CACNA1E: variants seen among roughly 807,000 people sequenced by gnomAD.
The protein encoded by CACNA1E is voltage-dependent R-type calcium channel subunit alpha-1E.
Under a neutral mutation model 259.2 loss-of-function variants are expected in CACNA1E, and 40 were observed. The ratio of observed to expected loss-of-function variants is 0.15; its 90% CI spans 0.12 to 0.20. The LOEUF (loss-of-function observed/expected upper bound fraction) is 0.20. CACNA1E is among the 10% of genes least tolerant of loss of function. The pLI is 1.00. For synonymous variants in CACNA1E, 1,104 were observed against 1,138.5 expected, an observed-to-expected ratio of 0.97 and a Z score of 0.61; for missense variants, 1,874 against 3,040.1, an observed-to-expected ratio of 0.62 and a Z score of 9.02.
At chr1:181,782,971 A>G (rs992885452) in intron 39 of CACNA1E, among the ~76,000 whole-genome samples, 2 of 152,076 alleles carry the variant, frequency 1.3e-5, no homozygotes, top group Non-Finnish European at 2.9e-5. Flanking sequence ...TCTTTGGGTA[A>G]GGGGAACAAG....
chr1:181,728,454 A>T (rs1230621505), intron 18 of CACNA1E, among the ~76,000 whole-genome samples: 1 of 152,216 alleles, frequency 6.6e-6, no homozygotes, highest in East Asian at 1.9e-4. Flanking sequence ...TTGGTGCTGT[A>T]CATGTGCTGT....
chr1:181,326,426 G>A (rs1243673036), intron 1 of CACNA1E, among the ~76,000 whole-genome samples: 6 of 152,264 alleles, frequency 3.9e-5, no homozygotes, highest in East Asian at 1.9e-4. Flanking sequence ...AGAGGAGAGC[G>A]GAACAGCCCT....
chr1:181,406,826 T>G (rs1287421954), intron 1 of CACNA1E, among the ~76,000 whole-genome samples: 1 of 152,220 alleles, frequency 6.6e-6, no homozygotes, highest in Non-Finnish European at 1.5e-5. Context: ...CTTCTATTTT[T>G]TTGCCCCATA....
chr1:181,574,787 G>A (rs1650785603), intron 3 of CACNA1E, among the ~76,000 whole-genome samples: 1 of 152,166 alleles, frequency 6.6e-6, no homozygotes, highest in African/African-American at 2.4e-5. Context: ...AGCACTTTGG[G>A]AGGCCGAGGC....
At chr1:181,761,462 T>C (rs983027678) in intron 32 of CACNA1E, among the ~76,000 whole-genome samples, 6 of 152,214 alleles carry the variant, frequency 3.9e-5, no homozygotes, top group African/African-American at 1.4e-4. Flanking sequence ...AATTCAATGA[T>C]GCTAGTTGTG....
intron 2 of CACNA1E, among the ~76,000 whole-genome samples, chr1:181,475,623 G>A (rs927903618): frequency 6.6e-6 from 1 of 152,184 alleles, no homozygotes; most frequent in East Asian, 1.9e-4. Flanking sequence ...AGATAGTGTT[G>A]GAAAGATAGG....
intron 3 of CACNA1E, among the ~76,000 whole-genome samples, chr1:181,544,612 G>A (rs1184906606): frequency 2.6e-5 from 4 of 152,184 alleles, no homozygotes; most frequent in Non-Finnish European, 4.4e-5. Flanking sequence ...TGGTGGGTTG[G>A]TGCAAGCTGA....
chr1:181,654,875 G>T (rs906595452), intron 7 of CACNA1E, among the ~76,000 whole-genome samples: 1 of 151,422 alleles, frequency 6.6e-6, no homozygotes, highest in South Asian at 2.1e-4. Flanking sequence ...TCCCAGCTAC[G>T]CGAGAGGCTG....
intron 43 of CACNA1E, among the ~76,000 whole-genome samples, chr1:181,789,799 A>G (rs953421490): frequency 3.3e-5 from 5 of 152,140 alleles, no homozygotes; most frequent in African/African-American, 9.7e-5. Context: ...CCTCTAAACA[A>G]CTGGGCAGAC....
At chr1:181,441,607 G>A (rs1445352721) in intron 2 of CACNA1E, among the ~76,000 whole-genome samples, 1 of 152,136 alleles carries the variant, frequency 6.6e-6, no homozygotes, top group Admixed American at 6.5e-5. Context: ...GCAGACACTC[G>A]AATCACTGTG....
upstream of CACNA1E, among the ~76,000 whole-genome samples, chr1:181,481,338 A>T (rs994262025): frequency 2.9e-5 from 3 of 102,254 alleles, no homozygotes; most frequent in African/African-American, 8.1e-5. Flanking sequence ...ATTTTCCTAC[A>T]CACACACACA....
At chr1:181,537,208 T>C (rs1464324659) in intron 3 of CACNA1E, among the ~76,000 whole-genome samples, 2 of 150,104 alleles carry the variant, frequency 1.3e-5, no homozygotes, top group Non-Finnish European at 3.0e-5. Context: ...CAAGTGATTC[T>C]CCTGCCTCAG....
Position 181,755,978 on chromosome 1 carries a change from A to G in CACNA1E, c.4012A>G (p.Lys1338Glu). 6.2e-7 allele frequency: 1 copy of G among 1,613,842 alleles called. No individual in the cohort carries two copies. ...ECIGNYVDHE[K>E]NKMEVKGREW... is the part of the protein sequence containing the mutation. ...TAGAGGCAACTATGTAGATCATGAG[A>G]AAAACAAGATGGAGGTGAAGGGCCG... Residue 1338 changes from lysine (K) to glutamate (E), a missense_variant, in exon 29 of 48, where the codon AAA becomes GAA. Coordinates refer to ENST00000367573, the MANE Select transcript of CACNA1E (RefSeq NM_001205293.3).
intron 7 of CACNA1E, 74 bp downstream of exon 7, chr1:181,651,515 G>A: frequency 9.7e-7 from 1 of 1,029,078 alleles, no homozygotes; most frequent in Non-Finnish European, 1.5e-6. Context: ...CTGACTCATG[G>A]CAGATTCATT....
intron 15 of CACNA1E, 47 bp downstream of exon 15, chr1:181,720,902 G>T (rs187650141): frequency 4.3e-6 from 5 of 1,161,394 alleles, no homozygotes; most frequent in East Asian, 2.4e-5. Flanking sequence ...GGGTCCCTTG[G>T]ACTGCACACT....
chr1:181,655,002 A>T (rs1402290982), intron 7 of CACNA1E, among the ~76,000 whole-genome samples: 1 of 150,238 alleles, frequency 6.7e-6, no homozygotes, highest in Non-Finnish European at 1.5e-5. Context: ...AAAAAAAAAA[A>T]AGAAACATAA....
chr1:181,381,346 T>C (rs796394886), intron 1 of CACNA1E, among the ~76,000 whole-genome samples: 18 of 152,262 alleles, frequency 1.2e-4, no homozygotes, highest in African/African-American at 4.3e-4. Context: ...TGATATGAGC[T>C]ACAACATGGG....
rs183070413 is a variant in CACNA1E at position 181,332,256 on chromosome 1, C to T, written c.-15+14133C>T. Among the ~76,000 whole-genome samples the T allele has an allele frequency of 1.1e-3, 169 of 152,274 alleles. 1 individual carries two copies. The highest frequency in any genetic ancestry group is 3.4e-3 in the Middle Eastern group (1 of 294). On this transcript the variant is annotated intron_variant, in intron 1 of 11. Transcript: ENST00000524607. ...GAAGGGAGAGCATCAGGAAGAATAG[C>T]TAATGGATGTTGGGCTTAATACCTA...
intron 6 of CACNA1E, among the ~76,000 whole-genome samples, chr1:181,620,230 AG>A (rs1363342755): frequency 9.9e-5 from 15 of 152,090 alleles, no homozygotes; most frequent in Non-Finnish European, 1.6e-4. Context: ...TGGTGAGGGA[AG>A]GGGGTGGATC....
Sources: allele counts gnomAD v4.1 joint callset (sites outside exome capture counted in the v4.1 genomes callset), GRCh38; gene constraint gnomAD v4.1.1; transcripts MANE v1.5; gene names NCBI Gene and HGNC (gene_info 2026-07-23, HGNC 2026-07-21).